Variants in TPM3 observed in about 807,000 individuals in gnomAD.
TPM3 encodes the protein tropomyosin alpha-3 chain.
TPM3 carries 16 observed loss-of-function variants against 43.1 expected under a neutral mutation model. The observed-to-expected ratio is 0.37, with a 90% CI of 0.25 to 0.56. The LOEUF (loss-of-function observed/expected upper bound fraction) is 0.56, where lower values mean the gene tolerates loss of function less well. TPM3 is among the 20% of genes least tolerant of loss of function. The pLI is 0.77. For synonymous variants in TPM3, 101 were observed against 116.9 expected, an observed-to-expected ratio of 0.86 and a Z score of 0.88; for missense variants, 176 against 337.2, an observed-to-expected ratio of 0.52 and a Z score of 3.74.
In TPM3 at chr1:154,191,321, C is replaced by T; in HGVS notation, c.118-10G>A. 6.2e-7 allele frequency: 1 copy of T among 1,613,844 alleles called. No homozygotes were observed. The highest frequency in any genetic ancestry group is 1.1e-5 in the South Asian group (1 of 91,082). On this transcript the variant is annotated splice_polypyrimidine_tract_variant and intron_variant, in intron 1 of 9. Transcript: ENST00000651641. ...CCAGCTCATCCTCCAGCTATAGGAG[C>T]CCAGAGAGTCACACACAAAAACACA...
chr1:154,174,448 A>T (rs1662058070), intron 3 of TPM3, among the ~76,000 whole-genome samples: 1 of 136,052 alleles, frequency 7.4e-6, no homozygotes, highest in Non-Finnish European at 1.6e-5. Flanking sequence ...AAGTAATAAT[A>T]TACTAGACGG....
intron 2 of TPM3, among the ~76,000 whole-genome samples, chr1:154,184,614 T>C (rs11265251): frequency 0.47 from 71,790 of 152,002 alleles, 17,292 homozygotes; most frequent in Admixed American, 0.6. Context: ...GAAGAAATCC[T>C]CTATTACAGA....
chr1:154,183,342 C>T (rs1571443635), intron 2 of TPM3: 7 of 1,437,230 alleles, frequency 4.9e-6, no homozygotes, highest in East Asian at 2.6e-5. Flanking sequence ...CCCAGTCGCC[C>T]TGGAGTACGG....
Position 154,167,800 on chromosome 1 carries a change from G to A in TPM3, c.*137C>T, listed in dbSNP as rs1661136062. 2.5e-6 allele frequency: 4 copies of A among 1,581,694 alleles called. No homozygotes were observed. The highest frequency in any genetic ancestry group is 3.4e-6 in the Non-Finnish European group (4 of 1,163,276). On this transcript the variant is annotated 3_prime_UTR_variant, in exon 10 of 10. Coordinates refer to ENST00000651641, the MANE Select transcript of TPM3 (RefSeq NM_152263.4). ...GGTGGGGGTGGAAGAAAATACATAAGTTGCTTTTTGCTCCCCCATCCTAAT... is the reference window on the plus strand; with the variant it reads ...GGTGGGGGTGGAAGAAAATACATAAATTGCTTTTTGCTCCCCCATCCTAAT...
At position 154,164,171 on chromosome 1, in the gene TPM3, C is replaced by T. The variant is rs576571880; in HGVS notation, c.*3766G>A. On this transcript the variant is annotated 3_prime_UTR_variant, in exon 10 of 10. Transcript: ENST00000651641. ...CATCTTTAACCCCACCACTTTCCTA[C>T]TCTTTTTTTGGGGGGGGTCTCATTC... is the stretch of plus-strand genomic sequence containing the variant. 6.6e-6 allele frequency among the ~76,000 whole-genome samples: 1 copy of T among 152,036 alleles called. No individual in the cohort carries two copies. The highest frequency in any genetic ancestry group is 2.1e-4 in the South Asian group (1 of 4,810).
At chr1:154,172,291 C>T (rs769103964) in intron 5 of TPM3, 29 of 731,140 alleles carry the variant, frequency 4.0e-5, no homozygotes, top group Non-Finnish European at 6.9e-5. Context: ...AGCACAAATA[C>T]ATATGCATTC....
At chr1:154,180,492 A>G (rs569616259) in intron 2 of TPM3, among the ~76,000 whole-genome samples, 21 of 152,260 alleles carry the variant, frequency 1.4e-4, no homozygotes, top group South Asian at 8.3e-4. Flanking sequence ...CAGGCTGGGG[A>G]GTAGAAGAAA....
chr1:154,158,070 T>C (rs1254675003), downstream of TPM3, among the ~76,000 whole-genome samples: 1 of 152,200 alleles, frequency 6.6e-6, no homozygotes, highest in Non-Finnish European at 1.5e-5. Flanking sequence ...AATACCCTCT[T>C]GAAATGGCTC....
intron 2 of TPM3, chr1:154,183,318 A>C (rs555630673): frequency 1.4e-6 from 2 of 1,475,622 alleles, no homozygotes; most frequent in Non-Finnish European, 1.8e-6. Flanking sequence ...GAGCCGCGGC[A>C]GGGAGTGGAT....
intron 2 of TPM3, chr1:154,178,204 T>A (rs888533413): frequency 5.1e-6 from 5 of 985,134 alleles, no homozygotes. Flanking sequence ...CAAACTGGAG[T>A]AGAAGATAAC....
downstream of TPM3, chr1:154,156,453 G>A (rs1571345153): frequency 1.6e-5 from 3 of 192,048 alleles, no homozygotes; most frequent in South Asian, 1.9e-4. Context: ...TCTCCCAATC[G>A]GCCCCAAAGA....
chr1:154,173,649 A>T (rs2148244472), intron 3 of TPM3, among the ~76,000 whole-genome samples: 1 of 146,630 alleles, frequency 6.8e-6, no homozygotes, highest in South Asian at 2.2e-4. Context: ...GGGCAATAAG[A>T]GCGAAACTCC....
chr1:154,171,120 C>T (rs1661528014), intron 6 of TPM3: 3 of 574,376 alleles, frequency 5.2e-6, no homozygotes, highest in Non-Finnish European at 9.3e-6. Flanking sequence ...TCTGTTGCCC[C>T]CATCTGTCTG....
At chr1:154,171,050 C>T (rs1661520480) in intron 6 of TPM3, 1 of 528,562 alleles carries the variant, frequency 1.9e-6, no homozygotes, top group African/African-American at 1.9e-5. Flanking sequence ...AACACACCCA[C>T]ATGATGGCAA....
In TPM3 at chr1:154,174,407, T is replaced by TACAC. The variant is rs1553249401; in HGVS notation, c.378-1210_378-1207dup. ...ATATATATATATATATATATATATA[T>TACAC]ACACACAAAAATCCCATCCCAGCTT... On this transcript the variant is annotated intron_variant, in intron 3 of 9. Transcript: ENST00000651641. Among the ~76,000 whole-genome samples the TACAC allele has an allele frequency of 9.2e-3, 665 of 72,436 alleles. 31 individuals carry two copies. The highest frequency in any genetic ancestry group is 0.021 in the African/African-American group (408 of 19,810). The allele number at this position is 72,436 out of a possible 152,430, so 47.5% of individuals were successfully genotyped here.
intron 7 of TPM3, 60 bp from the exon 8 acceptor site, chr1:154,170,529 T>C (rs1464067204): frequency 2.5e-6 from 4 of 1,603,248 alleles, no homozygotes; most frequent in Non-Finnish European, 3.4e-6. Context: ...ACAATCTCTA[T>C]TTCTTCCACC....
At chr1:154,181,388 G>C (rs765806162) in intron 2 of TPM3, among the ~76,000 whole-genome samples, 16 of 151,744 alleles carry the variant, frequency 1.1e-4, no homozygotes, top group African/African-American at 1.2e-4. Context: ...CAGCCAAAAA[G>C]AAAAACAAAA....
rs556708488 is a variant in TPM3, at chr1:154,183,852, CTTTT to C, written c.243+7330_243+7333del. The stretch of plus-strand genomic sequence containing the variant: ...GTTCTATTTAGAACAGACTTTTCTC[CTTTT>C]TTTTTTTTTTTTTTTTTTTTTTAAG... On this transcript the variant is annotated intron_variant, in intron 2 of 9. Coordinates refer to ENST00000651641, the MANE Select transcript of TPM3 (RefSeq NM_152263.4). 2.9e-4 allele frequency: 29 copies of C among 99,316 alleles called. 1 individual carries two copies. Among genetic ancestry groups the C allele is most frequent in the East Asian group, 6.2e-4 (2 of 3,240 alleles). The allele number at this position is 99,316 out of a possible 1,614,324, so 6.2% of individuals were successfully genotyped here.
At chr1:154,169,868 A>C (rs760582962) in intron 8 of TPM3, 11 of 246,808 alleles carry the variant, frequency 4.5e-5, no homozygotes, top group Admixed American at 2.1e-4. Flanking sequence ...CAGAGTTCTC[A>C]AAGCAAAGAG....
Sources: allele counts gnomAD v4.1 joint callset (sites outside exome capture counted in the v4.1 genomes callset), GRCh38; gene constraint gnomAD v4.1.1; transcripts MANE v1.5; gene names NCBI Gene and HGNC (gene_info 2026-07-23, HGNC 2026-07-21).